Variants in ZNF185 observed in about 807,000 individuals in gnomAD.
The protein encoded by ZNF185 is zinc finger protein 185 with LIM domain, also known as zinc finger protein 185.
ZNF185 carries 56 observed loss-of-function variants against 58.6 expected under a neutral mutation model. The ratio of observed to expected loss-of-function variants is 0.95; its 90% confidence interval spans 0.77 to 1.19. The LOEUF is 1.19. ZNF185 is among the 50% of genes most tolerant of loss of function. ZNF185 has a pLI of 0.00. For missense variants in ZNF185, 627 were observed against 573.5 expected (o/e 1.09, Z -0.95); for synonymous variants, 230 against 215.9 (o/e 1.07, Z -0.57).
chrX:152,969,535 G>GTGC, intron 21 of ZNF185, 51 bp downstream of exon 23: 1 of 997,282 alleles, frequency 1.0e-6, no homozygotes, highest in African/African-American at 1.9e-5. Context: ...TCCTGATCAC[G>GTGC]TGCTGCTAAG....
the ZNF185 span, among the ~76,000 whole-genome samples, chrX:152,907,426 G>T: frequency 8.8e-6 from 1 of 113,247 alleles, no homozygotes; most frequent in Non-Finnish European, 1.9e-5. Context: ...AGGCCACAGA[G>T]GCAGGGAGAA....
At chrX:152,941,303 G>T (rs782257324) in intron 15 of ZNF185, among the ~76,000 whole-genome samples, 4 of 112,011 alleles carry the variant, frequency 3.6e-5, no homozygotes, top group Non-Finnish European at 7.5e-5. Context: ...TCAAAACTGG[G>T]AGTGGGAGAC....
chrX:152,941,593 G>A (rs1393291053), intron 15 of ZNF185: 5 of 1,084,129 alleles, frequency 4.6e-6, no homozygotes, highest in Non-Finnish European at 6.1e-6. Context: ...GTGCGCGCCT[G>A]TGCACCTCGG....
intron 14 of ZNF185, among the ~76,000 whole-genome samples, 180 bp from the exon 17 acceptor site, chrX:152,937,894 G>T (rs782793400): frequency 8.9e-6 from 1 of 112,781 alleles, no homozygotes; most frequent in South Asian, 3.6e-4. Flanking sequence ...GTCCAAAGCT[G>T]ACATGAGGTT....
chrX:152,945,603 G>C, intron 16 of ZNF185, 139 bp downstream of exon 18: 9 of 670,787 alleles, frequency 1.3e-5, no homozygotes, highest in Non-Finnish European at 1.9e-5. Flanking sequence ...TCTGTGAGTG[G>C]GTCATGGTGA....
intron 11 of ZNF185, among the ~76,000 whole-genome samples, chrX:152,923,045 CT>C (rs1556870632): frequency 8.9e-6 from 1 of 112,522 alleles, no homozygotes; most frequent in Non-Finnish European, 1.9e-5. Flanking sequence ...CCTTCTTGTA[CT>C]TTGTGCAGAA....
At chrX:152,928,129 T>TACC (rs1941222524) in intron 11 of ZNF185, among the ~76,000 whole-genome samples, 1 of 110,905 alleles carries the variant, frequency 9.0e-6, no homozygotes, top group Non-Finnish European at 1.9e-5. Flanking sequence ...GTCTGCGACA[T>TACC]CCCCTCCCAC....
chrX:152,923,172 A>G (rs1160844220), intron 11 of ZNF185, among the ~76,000 whole-genome samples: 1 of 111,561 alleles, frequency 9.0e-6, no homozygotes, highest in Non-Finnish European at 1.9e-5. Flanking sequence ...TCTCTGTAGC[A>G]CCCTTGGAAG....
intron 21 of ZNF185, among the ~76,000 whole-genome samples, 161 bp downstream of exon 23, chrX:152,969,645 T>C (rs782560060): frequency 8.9e-6 from 1 of 112,339 alleles, no homozygotes; most frequent in Admixed American, 9.4e-5. Flanking sequence ...TTTGCACAAC[T>C]GGGAGCTGAA....
chrX:152,898,791 G>A, the ZNF185 span, among the ~76,000 whole-genome samples: 80 of 112,728 alleles, frequency 7.1e-4, no homozygotes, highest in Non-Finnish European at 1.3e-3. Context: ...GTGTCACTGG[G>A]TGTTATCGAC....
the ZNF185 span, among the ~76,000 whole-genome samples, chrX:152,905,720 G>T: frequency 9.1e-6 from 1 of 109,737 alleles, no homozygotes; most frequent in East Asian, 2.9e-4. Context: ...GCTTGGGGGG[G>T]GGGCGGGGTC....
the ZNF185 span, among the ~76,000 whole-genome samples, chrX:152,907,263 C>T: frequency 2.7e-5 from 3 of 112,521 alleles, no homozygotes; most frequent in South Asian, 1.1e-3. Context: ...CAGCCCCCTG[C>T]GTCAGCTCCC....
exon 5 of ZNF185, chrX:152,917,288 A>C: frequency 8.3e-7 from 1 of 1,210,831 alleles, no homozygotes; most frequent in Non-Finnish European, 1.1e-6. Context: ...CTTTCAGGGG[A>C]GTGTTCACCA....
chrX:152,951,492 T>C (rs1384100457), intron 16 of ZNF185, among the ~76,000 whole-genome samples: 1 of 111,983 alleles, frequency 8.9e-6, no homozygotes, highest in African/African-American at 3.2e-5. Flanking sequence ...CTATTCTCTT[T>C]TTCCTTAGGA....
intron 11 of ZNF185, among the ~76,000 whole-genome samples, chrX:152,926,201 C>T (rs1443890164): frequency 3.6e-5 from 4 of 112,261 alleles, no homozygotes; most frequent in Non-Finnish European, 7.5e-5. Flanking sequence ...GACTGTGTGA[C>T]CTTGAGCAAG....
chrX:152,898,313 G>C, the ZNF185 span, among the ~76,000 whole-genome samples: 4 of 112,569 alleles, frequency 3.6e-5, no homozygotes, highest in Non-Finnish European at 5.7e-5. Flanking sequence ...TGCCCAGCTG[G>C]GGACAAGTCA....
intron 13 of ZNF185, 106 bp from the exon 15 acceptor site, chrX:152,932,767 A>C: frequency 1.8e-6 from 1 of 550,835 alleles, no homozygotes. Flanking sequence ...ACAGAGTAGC[A>C]GCCAAAGGCC....
At chrX:152,959,848 G>T (rs782746511) in exon 17 of ZNF185, 1 of 1,210,046 alleles carries the variant, frequency 8.3e-7, no homozygotes, top group Non-Finnish European at 1.1e-6. Flanking sequence ...CAGCAGAACA[G>T]CCCCAGCGGA....
At chrX:152,939,849 C>T (rs2046970215) in intron 15 of ZNF185, among the ~76,000 whole-genome samples, 1 of 90,910 alleles carries the variant, frequency 1.1e-5, no homozygotes, top group Non-Finnish European at 2.0e-5. Flanking sequence ...GTGGCGCAAT[C>T]TCGACTCACT....
Sources: allele counts gnomAD v4.1 joint callset (sites outside exome capture counted in the v4.1 genomes callset), GRCh38; gene constraint gnomAD v4.1.1; transcripts MANE v1.5; gene names NCBI Gene and HGNC (gene_info 2026-07-23, HGNC 2026-07-21).